MPPE1: variants seen among roughly 807,000 people sequenced by gnomAD.
The protein encoded by MPPE1 is metallophosphoesterase 1.
MPPE1 carries 28 observed loss-of-function variants against 43.8 expected under a neutral mutation model. The observed-to-expected ratio is 0.64, with a 90% CI of 0.47 to 0.88. The LOEUF (loss-of-function observed/expected upper bound fraction) is 0.88. Among genes scored for constraint, MPPE1 ranks in the 40% least tolerant of loss-of-function variants. The probability of loss-of-function intolerance (pLI) is 0.00; values close to 1 mark genes in which losing one functional copy is unlikely to be tolerated. For synonymous variants in MPPE1, 159 were observed against 188.5 expected (o/e 0.84, Z 1.28); for missense variants, 428 against 492.2 (o/e 0.87, Z 1.23).
chr18:11,896,472 G>C (rs1222289405), intron 3 of MPPE1, among the ~76,000 whole-genome samples: 1 of 152,146 alleles, frequency 6.6e-6, no homozygotes, highest in African/African-American at 2.4e-5. Context: ...GTGTGAGTTG[G>C]AAAGATAGGA....
chr18:11,888,172 T>A (rs2037552755), intron 6 of MPPE1, among the ~76,000 whole-genome samples: 1 of 152,172 alleles, frequency 6.6e-6, no homozygotes, highest in African/African-American at 2.4e-5. Context: ...ATGGTCAGGC[T>A]AAGGGTCAGG....
At chr18:11,905,804 T>C (rs2039663389) in intron 2 of MPPE1, 1 of 152,134 alleles carries the variant, frequency 6.6e-6, no homozygotes, top group Non-Finnish European at 1.5e-5. Flanking sequence ...CCTTGGTGAG[T>C]ATTTTATCTT....
chr18:11,896,091 T>C (rs2038574270), intron 3 of MPPE1, among the ~76,000 whole-genome samples: 1 of 144,776 alleles, frequency 6.9e-6, no homozygotes, highest in Non-Finnish European at 1.5e-5. Context: ...TCTTATTCTT[T>C]ATTCTTTTTT....
intron 9 of MPPE1, 121 bp from the exon 10 acceptor site, chr18:11,885,937 T>C: frequency 1.0e-6 from 1 of 992,718 alleles, no homozygotes. Flanking sequence ...TAAATCCTTA[T>C]TTTGAAGGAC....
intron 2 of MPPE1, among the ~76,000 whole-genome samples, chr18:11,901,188 T>A (rs548349589): frequency 1.6e-4 from 24 of 152,194 alleles, no homozygotes; most frequent in Non-Finnish European, 2.8e-4. Context: ...CTCTGTTTCA[T>A]TAGAATGGCA....
chr18:11,890,189 G>T (rs181996906), intron 4 of MPPE1, among the ~76,000 whole-genome samples: 3 of 152,044 alleles, frequency 2.0e-5, no homozygotes, highest in South Asian at 2.1e-4. Context: ...TGATCCGCCC[G>T]CCTCGGCCTC....
At chr18:11,890,067 T>C (rs947627199) in intron 4 of MPPE1, among the ~76,000 whole-genome samples, 19 of 151,284 alleles carry the variant, frequency 1.3e-4, no homozygotes, top group South Asian at 6.3e-4. Flanking sequence ...CTCAGCCTCC[T>C]GAGTAGCTGG....
At chr18:11,895,583 G>A (rs75723612) in intron 3 of MPPE1, among the ~76,000 whole-genome samples, 7,636 of 151,618 alleles carry the variant, frequency 0.05, 357 homozygotes, top group African/African-American at 0.13. Flanking sequence ...CTGTCGCCCA[G>A]GCTGGACTGC....
At chr18:11,900,717 C>A (rs565890069) in intron 2 of MPPE1, among the ~76,000 whole-genome samples, 1 of 151,748 alleles carries the variant, frequency 6.6e-6, no homozygotes, top group African/African-American at 2.4e-5. Flanking sequence ...ACCATCCTGG[C>A]TAACACGGTG....
chr18:11,887,003 C>T lies in MPPE1; in HGVS notation c.592G>A (p.Ala198Thr). The T allele has an allele frequency of 1.9e-6, 3 of 1,613,574 alleles. No individual in the cohort carries two copies. Among genetic ancestry groups the T allele is most frequent in the Non-Finnish European group, 2.5e-6 (3 of 1,179,592 alleles). The change falls in exon 7 of 11, where the codon GCG (alanine) becomes ACG (threonine). Residue 198 changes from alanine (A) to threonine (T), a missense_variant. Coordinates refer to ENST00000588072, the MANE Select transcript of MPPE1 (RefSeq NM_023075.6). ...GINFVMVNSV[A>T]LNGDGCGICS... The stretch of plus-strand genomic sequence containing the variant: ...ATGCCACAGCCATCCCCGTTCAGCG[C>T]CACGCTGTTGACCATCACAAAGCTG...
At position 11,885,178 on chromosome 18, in the gene MPPE1, A is replaced by G. The variant is rs143005245; in HGVS notation, c.1008+498T>C. On this transcript the variant is annotated intron_variant, in intron 10 of 10. Coordinates refer to ENST00000588072, the MANE Select transcript of MPPE1 (RefSeq NM_023075.6). ...GGTTTCCTCCACCTTTTTATGAAGT[A>G]AAAGAACCTGTCGTACCAGCATCAT... 1.3e-3 allele frequency: 786 copies of G among 628,550 alleles called. 6 individuals carry two copies. In the African/African-American group the frequency reaches 0.014, roughly 11 times the overall value. The allele number at this position is 628,550 out of a possible 1,614,324, so 38.9% of individuals were successfully genotyped here.
At position 11,884,023 on chromosome 18, in the gene MPPE1, T is replaced by C. The variant is rs1217740445; in HGVS notation, c.*422A>G. 1 of 173,690 alleles carries C rather than the reference T, an allele frequency of 5.8e-6. No individual in the cohort carries two copies. Among genetic ancestry groups the C allele is most frequent in the East Asian group, 1.5e-4 (1 of 6,474 alleles). 10.8% of individuals were successfully genotyped at this position (173,690 alleles called of 1,614,324 possible). A position where few individuals can be genotyped will look rare whatever the true frequency, so the allele number is the denominator to read the frequency against. On this transcript the variant is annotated 3_prime_UTR_variant, in exon 11 of 11. Coordinates refer to ENST00000588072, the MANE Select transcript of MPPE1 (RefSeq NM_023075.6). Reference sequence around the variant, plus strand: ...TACTTTTAAGGGTACAGCTTTACAGTACATAGGAATTTGAGAACCACTTCA... The same window carrying C: ...TACTTTTAAGGGTACAGCTTTACAGCACATAGGAATTTGAGAACCACTTCA...
At chr18:11,891,962 G>T (rs923188797) in intron 4 of MPPE1, among the ~76,000 whole-genome samples, 1 of 149,714 alleles carries the variant, frequency 6.7e-6, no homozygotes, top group African/African-American at 2.5e-5. Context: ...GCACCATCAC[G>T]CCTGGCTGAT....
Position 11,900,683 on chromosome 18 carries a change from A to T in MPPE1, c.-92-3327T>A, listed in dbSNP as rs573271944. Reference sequence around the variant, plus strand: ...AGCACTTTGGGAGGCCAAGGTGGGCAGATCACGAGGTCAGGAGATCGAGAC... The same window carrying T: ...AGCACTTTGGGAGGCCAAGGTGGGCTGATCACGAGGTCAGGAGATCGAGAC... On this transcript the variant is annotated intron_variant, in intron 2 of 10. Transcript: ENST00000588072. Among the ~76,000 whole-genome samples, 5 of 152,126 alleles carry T rather than the reference A, an allele frequency of 3.3e-5. No homozygotes were observed. In the East Asian group the frequency reaches 7.7e-4, roughly 24 times the overall value.
Position 11,886,880 on chromosome 18 carries a change from G to T in MPPE1, c.678+37C>A, listed in dbSNP as rs1195886719. ...GAGCAACCGAAGCGGAGCAACACGG[G>T]ACAGAAGGCACCTGTGGCATTCAGA... On this transcript the variant is annotated intron_variant, in intron 7 of 10. Coordinates refer to ENST00000588072, the MANE Select transcript of MPPE1 (RefSeq NM_023075.6). The surrounding 1 kb of genome is among the most constrained non-coding windows in gnomAD (Gnocchi z 4.1). The T allele has an allele frequency of 3.8e-6, 6 of 1,599,784 alleles. No homozygotes were observed. The East Asian group carries it at 1.3e-4, about 36-fold the overall frequency.
rs2037278985 is a variant in MPPE1 at position 11,886,526 on chromosome 18, GT to G, written c.839del (p.Asp280AlafsTer79). The G allele has an allele frequency of 6.2e-7, 1 of 1,614,060 alleles. No individual in the cohort carries two copies. Among genetic ancestry groups the G allele is most frequent in the African/African-American group, 1.3e-5 (1 of 74,916 alleles). ...ERDIPFKENY[D>X]VLSREASQKL... is the part of the protein sequence containing the mutation. ...TTTGTGATGCCTCCCGTGAAAGCACGTCATAGTTCTCCTTAAATGGGATGTC... is the reference window on the plus strand; with the variant it reads ...TTTGTGATGCCTCCCGTGAAAGCACGCATAGTTCTCCTTAAATGGGATGTC... On this transcript the variant is annotated frameshift_variant, in exon 9 of 11. Transcript: ENST00000588072. LOFTEE classifies it high-confidence loss of function. The surrounding 1 kb of genome is among the most constrained non-coding windows in gnomAD (Gnocchi z 4.1).
intron 4 of MPPE1, 106 bp downstream of exon 4, chr18:11,893,362 C>T: frequency 1.4e-6 from 1 of 739,774 alleles, no homozygotes; most frequent in South Asian, 1.7e-5. Context: ...GTAAGTACAA[C>T]TTCCATAAAA....
At chr18:11,903,085 G>A (rs992157078) in intron 2 of MPPE1, among the ~76,000 whole-genome samples, 1 of 152,150 alleles carries the variant, frequency 6.6e-6, no homozygotes, top group Non-Finnish European at 1.5e-5. Context: ...AGCGGGGCAG[G>A]TGAGGGCTCT....
chr18:11,904,231 GGCTGGCACTGTTAC>G (rs2039478604), intron 2 of MPPE1, among the ~76,000 whole-genome samples: 1 of 152,194 alleles, frequency 6.6e-6, no homozygotes, highest in African/African-American at 2.4e-5. Flanking sequence ...CAAGCAAGCT[GGCTGGCACTGTTAC>G]ATATTTTCCT....
Sources: allele counts gnomAD v4.1 joint callset (sites outside exome capture counted in the v4.1 genomes callset), GRCh38; gene constraint gnomAD v4.1.1; non-coding constraint Gnocchi (gnomAD v3.1); transcripts MANE v1.5; gene names NCBI Gene and HGNC (gene_info 2026-07-23, HGNC 2026-07-21).